The following FRAS1 variants were observed in gnomAD, a reference collection of about 807,000 sequenced individuals.
FRAS1 encodes the protein extracellular matrix organizing protein FRAS1.
Under a neutral mutation model 435.2 loss-of-function variants are expected in FRAS1, and 290 were observed. The ratio of observed to expected loss-of-function variants is 0.67; its 90% CI spans 0.61 to 0.73. The LOEUF (loss-of-function observed/expected upper bound fraction) is 0.73. FRAS1 is among the 30% of genes least tolerant of loss of function. The pLI is 0.00. For synonymous variants in FRAS1, 1,800 were observed against 1,851.0 expected, an observed-to-expected ratio of 0.97 and a Z score of 0.71; for missense variants, 4,860 against 5,001.5, an observed-to-expected ratio of 0.97 and a Z score of 0.85.
At chr4:78,086,675 G>C (rs1741193785) in intron 2 of FRAS1, among the ~76,000 whole-genome samples, 1 of 152,176 alleles carries the variant, frequency 6.6e-6, no homozygotes, top group Non-Finnish European at 1.5e-5. Flanking sequence ...AGAAAATCTA[G>C]AAGAAATGGA....
At chr4:78,520,882 G>A (rs1273719015) in intron 67 of FRAS1, among the ~76,000 whole-genome samples, 2 of 152,084 alleles carry the variant, frequency 1.3e-5, no homozygotes, top group Non-Finnish European at 2.9e-5. Flanking sequence ...ATAACTTCAG[G>A]CAGCTTTCCC....
At chr4:78,275,598 T>C (rs561264813) in intron 9 of FRAS1, among the ~76,000 whole-genome samples, 222 of 152,324 alleles carry the variant, frequency 1.5e-3, no homozygotes, top group African/African-American at 5.1e-3. Flanking sequence ...GGATATGAAA[T>C]TCTGGGTTGA....
At chr4:78,293,420 A>G (rs72864582) in intron 14 of FRAS1, among the ~76,000 whole-genome samples, 9 of 152,358 alleles carry the variant, frequency 5.9e-5, no homozygotes, top group Admixed American at 2.0e-4. Flanking sequence ...CAGATGACCT[A>G]TCTTCCATTT....
Position 78,337,807 on chromosome 4 carries a change from A to T in FRAS1, c.2412A>T (p.Gly804=). 1 of 1,613,820 alleles carries T rather than the reference A, an allele frequency of 6.2e-7. No homozygotes were observed. The highest frequency in any genetic ancestry group is 8.5e-7 in the Non-Finnish European group (1 of 1,179,810). Reference sequence around the variant, plus strand: ...AAGAGCAGTTCCTCAACCTCGTGGGATACTGTGCTGGTGAGTGAAACTCCT... The same window carrying T: ...AAGAGCAGTTCCTCAACCTCGTGGGTTACTGTGCTGGTGAGTGAAACTCCT... ...CREEQFLNLV[G]YCADCHHLCQ... Residue 804 remains glycine (G), a synonymous_variant, in exon 20 of 74, where the codon GGA becomes GGT. Transcript: ENST00000512123.
At chr4:78,395,401 C>T (rs141671172) in intron 29 of FRAS1, among the ~76,000 whole-genome samples, 182 of 151,982 alleles carry the variant, frequency 1.2e-3, no homozygotes, top group African/African-American at 4.3e-3. Context: ...TATTCAAGTC[C>T]TCGATTTCTT....
intron 2 of FRAS1, among the ~76,000 whole-genome samples, chr4:78,083,580 C>G (rs1227340625): frequency 6.9e-6 from 1 of 145,560 alleles, no homozygotes; most frequent in Non-Finnish European, 1.5e-5. Context: ...GAAAAAAATA[C>G]TTCGTTATTG....
intron 2 of FRAS1, among the ~76,000 whole-genome samples, chr4:78,165,876 C>T (rs193160572): frequency 7.2e-5 from 11 of 152,234 alleles, no homozygotes; most frequent in Admixed American, 2.0e-4. Context: ...CAGACACATA[C>T]GAGGCCTCTT....
In FRAS1 at chr4:78,262,336, A is replaced by G. The variant is rs1005282858; in HGVS notation, c.604-2689A>G. On this transcript the variant is annotated intron_variant, in intron 6 of 73. Coordinates refer to ENST00000512123, the MANE Select transcript of FRAS1 (RefSeq NM_025074.7). Reference sequence around the variant, plus strand: ...TCCCACTCATGTTTTATTGTTTGACATCATGGGCTCTGACTAGATGCAGAA... The same window carrying G: ...TCCCACTCATGTTTTATTGTTTGACGTCATGGGCTCTGACTAGATGCAGAA... Among the ~76,000 whole-genome samples, 3 of 152,120 alleles carry G rather than the reference A, an allele frequency of 2.0e-5. 1 individual carries two copies. The highest frequency in any genetic ancestry group is 1.3e-4 in the Admixed American group (2 of 15,270).
At chr4:78,303,655 T>G (rs1310026123) in intron 14 of FRAS1, among the ~76,000 whole-genome samples, 1 of 152,112 alleles carries the variant, frequency 6.6e-6, no homozygotes, top group Non-Finnish European at 1.5e-5. Flanking sequence ...GGCTCTCTGT[T>G]TGTCTGTTGT....
chr4:78,058,185 G>A (rs2109835498), intron 1 of FRAS1, 100 bp downstream of exon 1: 1 of 1,097,682 alleles, frequency 9.1e-7, no homozygotes, highest in Non-Finnish European at 1.3e-6. Flanking sequence ...AGGTTTTATG[G>A]TATTTCGGTG....
At position 78,057,571 on chromosome 4, in the gene FRAS1, A is replaced by C; in HGVS notation, c.-439A>C. The C allele has an allele frequency of 6.1e-6, 1 of 164,926 alleles. No individual in the cohort carries two copies. 10.2% of individuals were successfully genotyped at this position (164,926 alleles called of 1,614,324 possible). A position where few individuals can be genotyped will look rare whatever the true frequency, so the allele number is the denominator to read the frequency against. ...AACGCCGACGTATGGTGCCAAGCGA[A>C]CTTTAAAAAGCTGCTTCGGACAAAC... On this transcript the variant is annotated 5_prime_UTR_variant, in exon 1 of 74. Transcript: ENST00000512123. The surrounding 1 kb of genome is among the most constrained non-coding windows in gnomAD (Gnocchi z 4.2).
At chr4:78,380,383 T>G (rs1317137573) in intron 27 of FRAS1, among the ~76,000 whole-genome samples, 1 of 152,098 alleles carries the variant, frequency 6.6e-6, no homozygotes, top group East Asian at 1.9e-4. Context: ...CTTTTCAAGG[T>G]GTTGTATGGT....
intron 42 of FRAS1, 186 bp from the exon 43 acceptor site, chr4:78,446,541 G>A (rs1292009044): frequency 7.3e-7 from 1 of 1,364,810 alleles, no homozygotes; most frequent in Non-Finnish European, 9.4e-7. Context: ...TTTGAAGGGG[G>A]CATTTTGTTG....
chr4:78,288,976 G>A (rs10028695), intron 14 of FRAS1, among the ~76,000 whole-genome samples: 49,670 of 152,074 alleles, frequency 0.33, 8,501 homozygotes, highest in East Asian at 0.58. Context: ...ATTCCTCTTG[G>A]CAGGGTCATT....
intron 31 of FRAS1, 47 bp from the exon 32 acceptor site, chr4:78,412,922 C>G (rs1560713006): frequency 8.2e-7 from 1 of 1,222,386 alleles, no homozygotes; most frequent in South Asian, 1.4e-5. Context: ...CTAACATGCT[C>G]TGCTCAATAG....
chr4:78,086,915 T>G (rs1436630175), intron 2 of FRAS1, among the ~76,000 whole-genome samples: 1 of 152,140 alleles, frequency 6.6e-6, no homozygotes, highest in Non-Finnish European at 1.5e-5. Flanking sequence ...CCTCCCTAAC[T>G]CATTTTATGA....
intron 2 of FRAS1, among the ~76,000 whole-genome samples, chr4:78,067,711 ATTT>A (rs921979199): frequency 2.9e-5 from 3 of 102,914 alleles, no homozygotes; most frequent in Non-Finnish European, 6.6e-5. Flanking sequence ...TATTATTATT[ATTT>A]GTAAGATAGG....
At chr4:78,223,876 C>T (rs549586382) in intron 2 of FRAS1, among the ~76,000 whole-genome samples, 1 of 152,242 alleles carries the variant, frequency 6.6e-6, no homozygotes, top group East Asian at 1.9e-4. Flanking sequence ...AATTCTTATA[C>T]ACTTCCTATT....
chr4:78,089,547 ATTG>A (rs1355732427), intron 2 of FRAS1, among the ~76,000 whole-genome samples: 1 of 152,102 alleles, frequency 6.6e-6, no homozygotes, highest in African/African-American at 2.4e-5. Context: ...ACTGTTTTGA[ATTG>A]TTTTCTCTTT....
Sources: gnomAD v4.1 joint callset for allele counts (sites outside exome capture counted in the v4.1 genomes callset) on GRCh38, gnomAD v4.1.1 for gene constraint, Gnocchi (gnomAD v3.1) non-coding constraint, MANE v1.5 for transcripts, NCBI Gene and HGNC (gene_info 2026-07-23, HGNC 2026-07-21) for gene names.